Variants in SGCG observed in about 807,000 individuals in gnomAD.
SGCG encodes the protein sarcoglycan gamma.
SGCG carries 26 observed loss-of-function variants against 29.3 expected under a neutral mutation model. The observed-to-expected ratio is 0.89, with a 90% CI of 0.65 to 1.23. The LOEUF (loss-of-function observed/expected upper bound fraction) is 1.23. SGCG is among the 50% of genes most tolerant of loss of function. The pLI, the probability that SGCG is intolerant of heterozygous loss-of-function variation, is 0.00. For missense variants in SGCG, 353 were observed against 356.0 expected (o/e 0.99, Z 0.07); for synonymous variants, 145 against 129.7 (o/e 1.12, Z -0.80).
chr13:23,312,541 T>C (rs1394391468), intron 6 of SGCG, among the ~76,000 whole-genome samples: 5 of 152,208 alleles, frequency 3.3e-5, no homozygotes, highest in Admixed American at 6.5e-5. Flanking sequence ...TTCTCACTTA[T>C]AGATGGAAAC....
intron 1 of SGCG, among the ~76,000 whole-genome samples, chr13:23,202,328 G>C (rs1271119433): frequency 2.6e-5 from 4 of 152,198 alleles, no homozygotes; most frequent in Admixed American, 2.0e-4. Flanking sequence ...AGAAGGGAAA[G>C]AATGAAAGTG....
Position 23,293,311 on chromosome 13 carries a change from A to G in SGCG, c.506-2104A>G, listed in dbSNP as rs570471971. Among the ~76,000 whole-genome samples, 10 of 152,316 alleles carry G rather than the reference A, an allele frequency of 6.6e-5. No homozygotes were observed. In the South Asian group the frequency reaches 1.2e-3, roughly 19 times the overall value. On this transcript the variant is annotated intron_variant, in intron 5 of 7. Transcript: ENST00000218867. ...TTCAGTTGATTATAGTTTTTATGTA[A>G]ATCATCCTACTAAATCTGTTTGTAA...
intron 5 of SGCG, among the ~76,000 whole-genome samples, chr13:23,292,712 C>T (rs1042353381): frequency 6.6e-6 from 1 of 152,186 alleles, no homozygotes; most frequent in African/African-American, 2.4e-5. Context: ...TTTATGCCCA[C>T]ATTCCTTTTG....
At chr13:23,183,929 G>A (rs1876856493) in intron 1 of SGCG, among the ~76,000 whole-genome samples, 1 of 152,014 alleles carries the variant, frequency 6.6e-6, no homozygotes, top group African/African-American at 2.4e-5. Flanking sequence ...GCCTCCCAAA[G>A]TGCTGGGATT....
At chr13:23,169,423 G>A in the SGCG span, among the ~76,000 whole-genome samples, 1 of 151,402 alleles carries the variant, frequency 6.6e-6, no homozygotes, top group Non-Finnish European at 1.5e-5. Flanking sequence ...GCTCACGCCT[G>A]TAATCCCAGC....
At chr13:23,163,880 A>G in the SGCG span, among the ~76,000 whole-genome samples, 8 of 152,368 alleles carry the variant, frequency 5.3e-5, no homozygotes, top group South Asian at 1.7e-3. Flanking sequence ...TTATACTTTT[A>G]TAAGGAATGT....
At chr13:23,224,359 A>G (rs1032855763) in intron 2 of SGCG, among the ~76,000 whole-genome samples, 2 of 152,144 alleles carry the variant, frequency 1.3e-5, no homozygotes, top group Non-Finnish European at 2.9e-5. Context: ...TACAGTTCTT[A>G]TTATTCTTTC....
chr13:23,258,078 G>T (rs1880269526), intron 4 of SGCG, among the ~76,000 whole-genome samples: 1 of 152,094 alleles, frequency 6.6e-6, no homozygotes, highest in Non-Finnish European at 1.5e-5. Flanking sequence ...TTCCAATTCT[G>T]TGAAGAAAGT....
Position 23,279,483 on chromosome 13 carries a change from G to C in SGCG, c.505+5G>C. Reference sequence around the variant, plus strand: ...CAGATAAACTTCGAGTAACTGGTATGTACTAACTCGAGAAAAACACAACAT... The same window carrying C: ...CAGATAAACTTCGAGTAACTGGTATCTACTAACTCGAGAAAAACACAACAT... On this transcript the variant is annotated splice_donor_5th_base_variant and intron_variant, in intron 5 of 7. Coordinates refer to ENST00000218867, the MANE Select transcript of SGCG (RefSeq NM_000231.3). 6.2e-7 allele frequency: 1 copy of C among 1,612,054 alleles called. No homozygotes were observed. The highest frequency in any genetic ancestry group is 8.5e-7 in the Non-Finnish European group (1 of 1,178,714).
intron 3 of SGCG, among the ~76,000 whole-genome samples, chr13:23,248,469 G>C (rs879737939): frequency 6.6e-6 from 1 of 152,158 alleles, no homozygotes; most frequent in African/African-American, 2.4e-5. Context: ...GGGAGGTGGA[G>C]GCGGGCGGAT....
At chr13:23,212,900 G>C (rs1302635943) in intron 2 of SGCG, among the ~76,000 whole-genome samples, 1 of 152,150 alleles carries the variant, frequency 6.6e-6, no homozygotes, top group African/African-American at 2.4e-5. Context: ...AGGAGTCCTT[G>C]ACTCGGATTT....
At chr13:23,292,146 G>C (rs947869800) in intron 5 of SGCG, among the ~76,000 whole-genome samples, 2 of 144,620 alleles carry the variant, frequency 1.4e-5, no homozygotes, top group African/African-American at 5.4e-5. Context: ...GTCTTACTTT[G>C]TTGTCCAGGC....
chr13:23,301,692 G>A (rs886942842), intron 6 of SGCG, among the ~76,000 whole-genome samples: 3 of 152,170 alleles, frequency 2.0e-5, no homozygotes, highest in African/African-American at 7.2e-5. Context: ...TTTGAGACCA[G>A]CCTGGCCAAC....
At chr13:23,275,372 G>A (rs982585071) in intron 4 of SGCG, among the ~76,000 whole-genome samples, 4 of 151,762 alleles carry the variant, frequency 2.6e-5, no homozygotes, top group Non-Finnish European at 5.9e-5. Flanking sequence ...AAAGTCAGCC[G>A]GGTGCCTATA....
At chr13:23,256,344 C>G (rs1880175585) in intron 4 of SGCG, among the ~76,000 whole-genome samples, 1 of 152,050 alleles carries the variant, frequency 6.6e-6, no homozygotes, top group Non-Finnish European at 1.5e-5. Context: ...TTAAGTTACT[C>G]AAGGAAATAC....
In SGCG at chr13:23,324,661, A is replaced by G; in HGVS notation, c.*120A>G. The G allele has an allele frequency of 1.2e-6, 1 of 858,594 alleles. No individual in the cohort carries two copies. The allele number at this position is 858,594 out of a possible 1,614,324, so 53.2% of individuals were successfully genotyped here. On this transcript the variant is annotated 3_prime_UTR_variant, in exon 8 of 8. Transcript: ENST00000218867. ...GATGGGAAGTAAACGCTTCCAGAGGAACTCAGAAAAAATTATGTGCCAGTG... is the reference window on the plus strand; with the variant it reads ...GATGGGAAGTAAACGCTTCCAGAGGGACTCAGAAAAAATTATGTGCCAGTG...
intron 1 of SGCG, among the ~76,000 whole-genome samples, chr13:23,202,945 T>C (rs1877820698): frequency 1.3e-5 from 2 of 152,206 alleles, no homozygotes; most frequent in South Asian, 4.1e-4. Context: ...TGAATAATTT[T>C]TTAAGTTTTC....
intron 1 of SGCG, among the ~76,000 whole-genome samples, chr13:23,201,056 C>T (rs1877732262): frequency 6.6e-6 from 1 of 152,112 alleles, no homozygotes; most frequent in Non-Finnish European, 1.5e-5. Context: ...AGGACCACTC[C>T]AGCCTCGATG....
intron 3 of SGCG, chr13:23,246,473 C>A (rs1879713739): frequency 6.6e-6 from 1 of 152,230 alleles, no homozygotes; most frequent in Admixed American, 6.5e-5. Context: ...AACACCTTCC[C>A]CAAGGAATTT....
Sources: gnomAD v4.1 joint callset for allele counts (sites outside exome capture counted in the v4.1 genomes callset) on GRCh38, gnomAD v4.1.1 for gene constraint, MANE v1.5 for transcripts, NCBI Gene and HGNC (gene_info 2026-07-23, HGNC 2026-07-21) for gene names.